Variants in TANC2 observed in about 807,000 individuals in gnomAD.
TANC2 encodes tetratricopeptide repeat, ankyrin repeat and coiled-coil containing 2.
TANC2 carries 26 observed loss-of-function variants against 210.5 expected under a neutral mutation model. The ratio of observed to expected loss-of-function variants is 0.12; its 90% CI spans 0.09 to 0.17. The LOEUF (loss-of-function observed/expected upper bound fraction) is 0.17, where lower values mean the gene tolerates loss of function less well. Among genes scored for constraint, TANC2 ranks in the 10% least tolerant of loss-of-function variants. The pLI is 1.00. For synonymous variants in TANC2, 931 were observed against 967.1 expected (o/e 0.96, Z 0.69); for missense variants, 2,129 against 2,608.9 (o/e 0.82, Z 4.01).
intron 26 of TANC2, among the ~76,000 whole-genome samples, chr17:63,416,713 A>G (rs1483427266): frequency 6.6e-6 from 1 of 152,244 alleles, no homozygotes; most frequent in African/African-American, 2.4e-5. Context: ...GAACACAGCC[A>G]TGACCTTCAG....
chr17:63,417,102 A>G (rs1293878106), intron 26 of TANC2, among the ~76,000 whole-genome samples: 1 of 152,260 alleles, frequency 6.6e-6, no homozygotes, highest in Non-Finnish European at 1.5e-5. Flanking sequence ...GTGACCCATA[A>G]AAGCTGAAAT....
intron 9 of TANC2, among the ~76,000 whole-genome samples, chr17:63,287,125 G>T (rs1210633735): frequency 6.6e-6 from 1 of 152,050 alleles, no homozygotes; most frequent in Non-Finnish European, 1.5e-5. Flanking sequence ...TAGAGACAGG[G>T]TTTTGCTATG....
At chr17:63,244,492 A>G (rs2042862183) in intron 8 of TANC2, among the ~76,000 whole-genome samples, 1 of 152,168 alleles carries the variant, frequency 6.6e-6, no homozygotes. Flanking sequence ...TTTAGTGGAA[A>G]GTTTGCCCCC....
intron 7 of TANC2, among the ~76,000 whole-genome samples, chr17:63,213,024 A>C (rs1192010370): frequency 1.3e-5 from 2 of 152,208 alleles, no homozygotes; most frequent in African/African-American, 4.8e-5. Flanking sequence ...AATTCTAGCT[A>C]AGTTTACAGA....
intron 5 of TANC2, among the ~76,000 whole-genome samples, chr17:63,168,379 G>A (rs939755968): frequency 5.3e-5 from 8 of 152,046 alleles, no homozygotes; most frequent in Non-Finnish European, 7.4e-5. Context: ...ATAATGACTC[G>A]TGCCATTGAT....
intron 5 of TANC2, among the ~76,000 whole-genome samples, chr17:63,160,842 G>T (rs2040001347): frequency 6.6e-6 from 1 of 152,158 alleles, no homozygotes; most frequent in South Asian, 2.1e-4. Flanking sequence ...AAATTTATGT[G>T]TGTTTGTCTC....
In TANC2 at chr17:62,978,276, A is replaced by G. The variant is rs184910190; in HGVS notation, c.-24+11527A>G. Among the ~76,000 whole-genome samples, 14 of 152,344 alleles carry G rather than the reference A, an allele frequency of 9.2e-5. No homozygotes were observed. The East Asian group carries it at 2.7e-3, about 29-fold the overall frequency. ...GAAGGCAAGGGCATTAAAATATTAAAATATTGTATAATATTAACACATTCT... is the reference window on the plus strand; with the variant it reads ...GAAGGCAAGGGCATTAAAATATTAAGATATTGTATAATATTAACACATTCT... On this transcript the variant is annotated intron_variant, in intron 1 of 27. Coordinates refer to ENST00000689528, the Ensembl canonical transcript of TANC2.
chr17:63,244,223 C>T (rs1300161185), intron 8 of TANC2, among the ~76,000 whole-genome samples: 1 of 152,178 alleles, frequency 6.6e-6, no homozygotes, highest in African/African-American at 2.4e-5. Flanking sequence ...ATGTCTTGAT[C>T]ACCCCAGAAA....
chr17:63,031,162 G>A (rs2034754568), intron 2 of TANC2, among the ~76,000 whole-genome samples: 1 of 152,002 alleles, frequency 6.6e-6, no homozygotes, highest in Non-Finnish European at 1.5e-5. Context: ...TCTTGACCAG[G>A]GGAATTCTCT....
At chr17:62,988,213 T>C (rs1438535138) in intron 1 of TANC2, among the ~76,000 whole-genome samples, 1 of 151,792 alleles carries the variant, frequency 6.6e-6, no homozygotes, top group Non-Finnish European at 1.5e-5. Context: ...CTGCAACCTC[T>C]GCCTCCTAGG....
At chr17:63,309,698 T>C (rs974440592) in intron 9 of TANC2, among the ~76,000 whole-genome samples, 2 of 152,194 alleles carry the variant, frequency 1.3e-5, no homozygotes, top group Non-Finnish European at 1.5e-5. Flanking sequence ...AGATTTCTTA[T>C]GGTAAATTTC....
chr17:63,235,943 C>T (rs755764038), intron 7 of TANC2, among the ~76,000 whole-genome samples: 8 of 151,854 alleles, frequency 5.3e-5, no homozygotes, highest in Non-Finnish European at 8.8e-5. Flanking sequence ...ATATAAAATT[C>T]AAGAGACCTT....
At chr17:63,335,169 A>G (rs994734962) in intron 11 of TANC2, among the ~76,000 whole-genome samples, 15 of 152,304 alleles carry the variant, frequency 9.8e-5, no homozygotes, top group Admixed American at 9.2e-4. Context: ...AAACATCACT[A>G]TCATGAACCC....
intron 5 of TANC2, among the ~76,000 whole-genome samples, chr17:63,186,350 C>CT (rs11314991): frequency 0.023 from 2,636 of 114,320 alleles, 48 homozygotes; most frequent in Middle Eastern, 0.049. Flanking sequence ...CTCTCTCTCT[C>CT]TTTTTTTTTT....
intron 3 of TANC2, among the ~76,000 whole-genome samples, chr17:63,092,867 A>G (rs1057060582): frequency 6.6e-6 from 1 of 152,018 alleles, no homozygotes; most frequent in Non-Finnish European, 1.5e-5. Context: ...TATCCAAACT[A>G]TATTATCATC....
At chr17:63,130,833 G>A (rs1251910271) in intron 4 of TANC2, 2 of 152,156 alleles carry the variant, frequency 1.3e-5, no homozygotes, top group African/African-American at 2.4e-5. Context: ...AGAGCTGCTT[G>A]TGGTAATATA....
At chr17:63,397,292 CAAAAA>C (rs1186261968) in intron 18 of TANC2, among the ~76,000 whole-genome samples, 3 of 151,372 alleles carry the variant, frequency 2.0e-5, no homozygotes, top group Non-Finnish European at 3.0e-5. Flanking sequence ...AACAAACAAA[CAAAAA>C]GAATATGTTG....
chr17:63,326,979 A>G (rs1299801051), intron 11 of TANC2, among the ~76,000 whole-genome samples: 1 of 152,192 alleles, frequency 6.6e-6, no homozygotes, highest in East Asian at 1.9e-4. Flanking sequence ...AAAACCATAC[A>G]TCTGATAAGG....
intron 5 of TANC2, among the ~76,000 whole-genome samples, chr17:63,187,662 CAAG>C (rs1567798301): frequency 6.6e-6 from 1 of 151,820 alleles, no homozygotes. Flanking sequence ...CCCACAGATA[CAAG>C]AAGTTCAATG....
Sources: allele counts gnomAD v4.1 joint callset (sites outside exome capture counted in the v4.1 genomes callset), GRCh38; gene constraint gnomAD v4.1.1; transcripts MANE v1.5; gene names NCBI Gene and HGNC (gene_info 2026-07-23, HGNC 2026-07-21).